The following DOK6 variants were observed in gnomAD, a reference collection of about 807,000 sequenced individuals.
The protein encoded by DOK6 is docking protein 6.
In DOK6, 22 loss-of-function variants were observed where a neutral mutation model predicts 44.0. The observed-to-expected ratio is 0.50, with a 90% CI of 0.36 to 0.71. The LOEUF is 0.71. DOK6 is among the 30% of genes least tolerant of loss of function. The pLI is 0.00. For synonymous variants in DOK6, 166 were observed against 145.5 expected, an observed-to-expected ratio of 1.14 and a Z score of -1.01; for missense variants, 340 against 416.4, an observed-to-expected ratio of 0.82 and a Z score of 1.60.
At position 69,760,907 on chromosome 18, in the gene DOK6, A is replaced by G. The variant is rs535297605; in HGVS notation, c.856+3034A>G. Among the ~76,000 whole-genome samples, 521 of 61,902 alleles carry G rather than the reference A, an allele frequency of 8.4e-3. 7 individuals carry two copies. Among genetic ancestry groups the G allele is most frequent in the Non-Finnish European group, 0.012 (359 of 31,176 alleles). 40.6% of individuals were successfully genotyped at this position (61,902 alleles called of 152,430 possible). A position where few individuals can be genotyped will look rare whatever the true frequency, so the allele number is the denominator to read the frequency against. On this transcript the variant is annotated intron_variant, in intron 7 of 7. Coordinates refer to ENST00000382713, the MANE Select transcript of DOK6 (RefSeq NM_152721.6). ...TTTCAGGTGTTTTCTGTCTAGTAGG[A>G]GCCTGCCTTTCCCGGGGGCCGGTTG... is the stretch of plus-strand genomic sequence containing the variant.
chr18:69,455,180 G>C (rs949412243), intron 1 of DOK6, among the ~76,000 whole-genome samples: 1 of 108,334 alleles, frequency 9.2e-6, no homozygotes, highest in East Asian at 3.0e-4. Flanking sequence ...AAAAAGAAAA[G>C]AAAAAGAAAA....
chr18:69,528,146 G>A (rs905055018), intron 1 of DOK6, among the ~76,000 whole-genome samples: 2 of 137,600 alleles, frequency 1.5e-5, no homozygotes, highest in South Asian at 2.5e-4. Flanking sequence ...CTGGGTGACA[G>A]AGCGAGACTC....
At chr18:69,404,786 GGTGT>G (rs59807127) in intron 1 of DOK6, among the ~76,000 whole-genome samples, 3,720 of 149,740 alleles carry the variant, frequency 0.025, 81 homozygotes, top group African/African-American at 0.059. Flanking sequence ...AGGATAGGGT[GGTGT>G]GTGTGTGTGT....
intron 4 of DOK6, among the ~76,000 whole-genome samples, chr18:69,681,694 G>A (rs1055209033): frequency 1.3e-5 from 2 of 152,148 alleles, no homozygotes; most frequent in South Asian, 2.1e-4. Context: ...ATTTAAGATA[G>A]CCTATACTGA....
At chr18:69,638,524 T>C (rs1017185509) in intron 3 of DOK6, among the ~76,000 whole-genome samples, 2 of 152,104 alleles carry the variant, frequency 1.3e-5, no homozygotes, top group African/African-American at 4.8e-5. Context: ...CCACATGTAT[T>C]TATTTCCAGG....
intron 1 of DOK6, among the ~76,000 whole-genome samples, chr18:69,495,607 C>T (rs1432284195): frequency 1.3e-5 from 2 of 152,286 alleles, no homozygotes; most frequent in East Asian, 3.9e-4. Context: ...GAAAAGGCAC[C>T]ACAAGTTCCC....
In DOK6 at chr18:69,842,117, A is replaced by G. The variant is rs1982241886; in HGVS notation, c.*734A>G. On this transcript the variant is annotated 3_prime_UTR_variant, in exon 8 of 8. Coordinates refer to ENST00000382713, the MANE Select transcript of DOK6 (RefSeq NM_152721.6). ...ATTAAAGTTAAGATTGTTATGTTGA[A>G]TAGCTATTTTTAAAATAGTGCTGTA... is the stretch of plus-strand genomic sequence containing the variant. The G allele has an allele frequency of 6.8e-6, 1 of 146,184 alleles. No individual in the cohort carries two copies. Among genetic ancestry groups the G allele is most frequent in the Non-Finnish European group, 1.5e-5 (1 of 66,940 alleles). 9.1% of individuals were successfully genotyped at this position (146,184 alleles called of 1,614,324 possible). A position where few individuals can be genotyped will look rare whatever the true frequency, so the allele number is the denominator to read the frequency against.
At chr18:69,744,750 C>A (rs981508596) in intron 6 of DOK6, among the ~76,000 whole-genome samples, 7 of 151,830 alleles carry the variant, frequency 4.6e-5, no homozygotes. Flanking sequence ...CATGGTGAAA[C>A]CCTGTCTCTA....
chr18:69,822,862 T>A (rs1056135204), intron 7 of DOK6, among the ~76,000 whole-genome samples: 1 of 152,204 alleles, frequency 6.6e-6, no homozygotes, highest in Non-Finnish European at 1.5e-5. Flanking sequence ...GTTATAAAAG[T>A]TTTTTTAAAA....
At chr18:69,507,053 G>T (rs1981210688) in intron 1 of DOK6, among the ~76,000 whole-genome samples, 1 of 151,836 alleles carries the variant, frequency 6.6e-6, no homozygotes, top group Non-Finnish European at 1.5e-5. Flanking sequence ...TTGAGACAGA[G>T]TCTTTGTCAC....
chr18:69,693,952 G>C (rs1195180889), intron 4 of DOK6, among the ~76,000 whole-genome samples: 1 of 150,580 alleles, frequency 6.6e-6, no homozygotes, highest in Non-Finnish European at 1.5e-5. Flanking sequence ...CCAGCTACTC[G>C]GGAGGCTGAG....
intron 4 of DOK6, among the ~76,000 whole-genome samples, chr18:69,685,479 G>A (rs950788005): frequency 6.6e-6 from 1 of 152,180 alleles, no homozygotes; most frequent in Non-Finnish European, 1.5e-5. Context: ...TGGAAAACAG[G>A]CAGTACAATG....
chr18:69,585,299 TTTAA>T (rs1367250075), intron 2 of DOK6, among the ~76,000 whole-genome samples: 3 of 151,774 alleles, frequency 2.0e-5, no homozygotes, highest in African/African-American at 7.2e-5. Flanking sequence ...ATGTAGAATA[TTTAA>T]TTATCTTATT....
intron 5 of DOK6, among the ~76,000 whole-genome samples, chr18:69,719,292 C>T (rs1269131628): frequency 1.3e-5 from 2 of 152,156 alleles, no homozygotes; most frequent in African/African-American, 4.8e-5. Flanking sequence ...TGTCTTCATG[C>T]ACTGAGTCAG....
chr18:69,841,302 A>G lies in DOK6; in HGVS notation c.915A>G (p.Pro305=), dbSNP rs1199369504. The stretch of plus-strand genomic sequence containing the variant: ...CACAGACATTTCCCAGCTACGCCCC[A>G]GAACAGAGTGAAGAGGCCCAGCAGC... The part of the protein sequence containing the change: ...SRAQTFPSYA[P]EQSEEAQQPL... Residue 305 remains proline, a synonymous_variant, in exon 8 of 8, where the codon CCA becomes CCG. Transcript: ENST00000382713. 6.2e-7 allele frequency: 1 copy of G among 1,614,088 alleles called. No homozygotes were observed. Among genetic ancestry groups the G allele is most frequent in the Non-Finnish European group, 8.5e-7 (1 of 1,180,050 alleles).
intron 7 of DOK6, among the ~76,000 whole-genome samples, chr18:69,769,236 C>T (rs1049332348): frequency 6.6e-6 from 1 of 151,866 alleles, no homozygotes; most frequent in African/African-American, 2.4e-5. Flanking sequence ...TATTTTAGTA[C>T]AAAATTTCTT....
At chr18:69,559,927 G>T (rs1377879807) in intron 1 of DOK6, among the ~76,000 whole-genome samples, 3 of 152,000 alleles carry the variant, frequency 2.0e-5, no homozygotes, top group Non-Finnish European at 4.4e-5. Flanking sequence ...CATTATCAAG[G>T]CTCAACCCTC....
intron 6 of DOK6, among the ~76,000 whole-genome samples, chr18:69,750,535 A>T (rs1033712845): frequency 4.6e-5 from 7 of 152,226 alleles, no homozygotes; most frequent in African/African-American, 9.6e-5. Flanking sequence ...ATATCTTCTC[A>T]TACGCATCAG....
intron 7 of DOK6, among the ~76,000 whole-genome samples, chr18:69,840,130 G>A (rs754251104): frequency 1.3e-5 from 2 of 152,222 alleles, no homozygotes; most frequent in Non-Finnish European, 2.9e-5. Flanking sequence ...CAGGCTGAAA[G>A]CGAGTGACAT....
Sources: allele counts gnomAD v4.1 joint callset (sites outside exome capture counted in the v4.1 genomes callset), GRCh38; gene constraint gnomAD v4.1.1; transcripts MANE v1.5; gene names NCBI Gene and HGNC (gene_info 2026-07-23, HGNC 2026-07-21).